Variants in LRRTM4 observed in about 807,000 individuals in gnomAD.
LRRTM4 encodes leucine rich repeat transmembrane neuronal 4.
A neutral mutation model predicts 47.6 loss-of-function variants in LRRTM4; 25 were observed. The observed-to-expected ratio is 0.53, with a 90% CI of 0.38 to 0.73. The LOEUF (loss-of-function observed/expected upper bound fraction) is 0.73, where lower values mean the gene tolerates loss of function less well. Ranked by LOEUF, LRRTM4 falls within the 30% of genes least tolerant of loss-of-function variation. The pLI is 0.00. For missense variants in LRRTM4, 638 were observed against 713.4 expected (o/e 0.89, Z 1.20); for synonymous variants, 311 against 269.5 (o/e 1.15, Z -1.51).
chr2:77,327,082 A>T (rs890237774), intron 3 of LRRTM4, among the ~76,000 whole-genome samples: 3 of 152,184 alleles, frequency 2.0e-5, no homozygotes, highest in Admixed American at 1.3e-4. Context: ...GTAAAGGAGC[A>T]GGGAAAAAGA....
chr2:76,759,766 C>G (rs886325777), intron 3 of LRRTM4, among the ~76,000 whole-genome samples: 9 of 152,056 alleles, frequency 5.9e-5, no homozygotes, highest in Non-Finnish European at 1.3e-4. Flanking sequence ...CCCTCCAACC[C>G]CATTTTTCTG....
At chr2:76,887,553 T>G (rs1052289041) in intron 3 of LRRTM4, among the ~76,000 whole-genome samples, 2 of 150,358 alleles carry the variant, frequency 1.3e-5, no homozygotes, top group South Asian at 4.2e-4. Context: ...TGAATCTCAT[T>G]TTGACATATG....
At chr2:77,131,429 A>C (rs2103976633) in intron 3 of LRRTM4, among the ~76,000 whole-genome samples, 1 of 152,324 alleles carries the variant, frequency 6.6e-6, no homozygotes, top group East Asian at 1.9e-4. Flanking sequence ...CTGTTGTGTT[A>C]AATTCATAAA....
intron 3 of LRRTM4, among the ~76,000 whole-genome samples, chr2:77,132,142 C>T (rs900073026): frequency 2.0e-5 from 3 of 152,136 alleles, no homozygotes; most frequent in African/African-American, 7.2e-5. Flanking sequence ...ATTCCTTCCT[C>T]AACCCATACA....
intron 3 of LRRTM4, among the ~76,000 whole-genome samples, chr2:76,989,531 T>G (rs115173863): frequency 0.013 from 1,911 of 151,958 alleles, 39 homozygotes; most frequent in African/African-American, 0.044. Context: ...TAGTTACATG[T>G]TGAGAGAAAA....
chr2:77,152,493 T>A lies in LRRTM4; in HGVS notation c.1551+365825A>T, dbSNP rs990076528. On this transcript the variant is annotated intron_variant, in intron 3 of 3. Coordinates refer to ENST00000409884, the MANE Select transcript of LRRTM4 (RefSeq NM_001134745.3). ...ACAGGTGTGTGCCACCACGCCGGGC[T>A]AATTTTTTGTGTTTTTAGTACAGAC... Among the ~76,000 whole-genome samples the A allele has an allele frequency of 2.0e-5, 3 of 152,026 alleles. No individual in the cohort carries two copies. In the South Asian group the frequency reaches 6.2e-4, roughly 32 times the overall value.
At chr2:76,836,099 C>T (rs1671504135) in intron 3 of LRRTM4, among the ~76,000 whole-genome samples, 1 of 151,248 alleles carries the variant, frequency 6.6e-6, no homozygotes, top group Non-Finnish European at 1.5e-5. Flanking sequence ...CTTCCTTGCC[C>T]AGGTTTTCTA....
At chr2:76,974,169 C>CATACATATAT (rs1676321547) in intron 3 of LRRTM4, among the ~76,000 whole-genome samples, 6 of 118,458 alleles carry the variant, frequency 5.1e-5, no homozygotes. Flanking sequence ...TATATATATA[C>CATACATATAT]ATACATATAT....
At chr2:76,812,899 A>C (rs1415235556) in intron 3 of LRRTM4, among the ~76,000 whole-genome samples, 1 of 151,090 alleles carries the variant, frequency 6.6e-6, no homozygotes, top group Non-Finnish European at 1.5e-5. Context: ...CACTGAATTT[A>C]TACATTGAAA....
At chr2:77,175,954 C>G (rs1404807537) in intron 3 of LRRTM4, among the ~76,000 whole-genome samples, 1 of 151,480 alleles carries the variant, frequency 6.6e-6, no homozygotes, top group Non-Finnish European at 1.5e-5. Context: ...CCACTGCGCC[C>G]GCTACTCCCG....
At chr2:77,516,115 CTACTTTAG>C (rs1027476504) in intron 3 of LRRTM4, among the ~76,000 whole-genome samples, 68 of 151,894 alleles carry the variant, frequency 4.5e-4, no homozygotes, top group African/African-American at 1.6e-3. Flanking sequence ...AAAGTTTGAG[CTACTTTAG>C]TAAGGATTCC....
At chr2:77,125,920 TA>T (rs1420758985) in intron 3 of LRRTM4, among the ~76,000 whole-genome samples, 2 of 150,280 alleles carry the variant, frequency 1.3e-5, no homozygotes, top group Non-Finnish European at 3.0e-5. Context: ...TATATATATA[TA>T]TATACTATGT....
intron 3 of LRRTM4, among the ~76,000 whole-genome samples, chr2:76,981,843 G>C (rs1676619334): frequency 6.6e-6 from 1 of 151,870 alleles, no homozygotes; most frequent in African/African-American, 2.4e-5. Flanking sequence ...TCTATGTAGA[G>C]CAATGGAACA....
chr2:77,505,704 C>A (rs1382796696), intron 3 of LRRTM4, among the ~76,000 whole-genome samples: 3 of 151,244 alleles, frequency 2.0e-5, no homozygotes, highest in Admixed American at 6.6e-5. Context: ...TGCATATAAT[C>A]AAAATATTGA....
At chr2:77,384,243 C>A (rs1673174695) in intron 3 of LRRTM4, among the ~76,000 whole-genome samples, 1 of 150,584 alleles carries the variant, frequency 6.6e-6, no homozygotes, top group Non-Finnish European at 1.5e-5. Context: ...TTTAAAAATT[C>A]ACTAAACACA....
intron 3 of LRRTM4, among the ~76,000 whole-genome samples, chr2:77,122,408 G>A (rs1671541985): frequency 6.6e-6 from 1 of 150,440 alleles, no homozygotes; most frequent in African/African-American, 2.4e-5. Flanking sequence ...GAATTCACCA[G>A]ATGTAAACAT....
chr2:76,818,031 A>G (rs114799430), intron 3 of LRRTM4, among the ~76,000 whole-genome samples: 2,379 of 152,046 alleles, frequency 0.016, 54 homozygotes, highest in African/African-American at 0.05. Context: ...TTTAAAAAGT[A>G]AAGAGGATAC....
At chr2:77,166,611 T>C (rs915335412) in intron 3 of LRRTM4, among the ~76,000 whole-genome samples, 10 of 152,208 alleles carry the variant, frequency 6.6e-5, no homozygotes, top group Admixed American at 4.6e-4. Context: ...AACAGAGATA[T>C]AGACCAATGG....
chr2:77,266,234 T>C (rs1196313058), intron 3 of LRRTM4, among the ~76,000 whole-genome samples: 3 of 152,160 alleles, frequency 2.0e-5, no homozygotes, highest in African/African-American at 7.2e-5. Flanking sequence ...GAAGACTCTT[T>C]AAAACATGAC....
Sources: allele counts gnomAD v4.1 joint callset (sites outside exome capture counted in the v4.1 genomes callset), GRCh38; gene constraint gnomAD v4.1.1; transcripts MANE v1.5; gene names NCBI Gene and HGNC (gene_info 2026-07-23, HGNC 2026-07-21).